Variants in CDK14 observed in about 807,000 individuals in gnomAD.
The protein encoded by CDK14 is cyclin-dependent kinase 14.
CDK14 carries 34 observed loss-of-function variants against 60.7 expected under a neutral mutation model. The ratio of observed to expected loss-of-function variants is 0.56; its 90% CI spans 0.43 to 0.75. The LOEUF (loss-of-function observed/expected upper bound fraction) is 0.75. Among genes scored for constraint, CDK14 ranks in the 30% least tolerant of loss-of-function variants. The pLI is 0.00. For synonymous variants in CDK14, 197 were observed against 203.7 expected (o/e 0.97, Z 0.28); for missense variants, 482 against 564.1 (o/e 0.85, Z 1.47).
At chr7:90,793,425 T>C (rs954617836) in intron 5 of CDK14, among the ~76,000 whole-genome samples, 3 of 152,158 alleles carry the variant, frequency 2.0e-5, no homozygotes, top group Non-Finnish European at 2.9e-5. Context: ...CTTCCATTAG[T>C]GATGGGAGGT....
chr7:90,778,482 G>A (rs1042653314), intron 4 of CDK14, among the ~76,000 whole-genome samples: 3 of 152,180 alleles, frequency 2.0e-5, no homozygotes, highest in Admixed American at 6.5e-5. Context: ...CCCACTGTGT[G>A]CTCCTGCAGG....
At chr7:90,909,329 T>C (rs1792814166) in intron 7 of CDK14, among the ~76,000 whole-genome samples, 2 of 152,136 alleles carry the variant, frequency 1.3e-5, no homozygotes, top group Admixed American at 1.3e-4. Context: ...TAGATAGCTA[T>C]TAAATCCAAC....
chr7:91,080,451 A>G (rs1485332997), intron 12 of CDK14, among the ~76,000 whole-genome samples: 1 of 152,160 alleles, frequency 6.6e-6, no homozygotes, highest in Non-Finnish European at 1.5e-5. Flanking sequence ...TGTACCTCGA[A>G]TAACACATAG....
intron 9 of CDK14, among the ~76,000 whole-genome samples, chr7:90,971,023 C>T (rs752697749): frequency 1.3e-5 from 2 of 152,070 alleles, no homozygotes; most frequent in Non-Finnish European, 2.9e-5. Context: ...TTGCGCTCAT[C>T]AACTCGTCAT....
chr7:90,999,955 G>GA (rs1234421930), intron 10 of CDK14, among the ~76,000 whole-genome samples: 1 of 152,070 alleles, frequency 6.6e-6, no homozygotes, highest in African/African-American at 2.4e-5. Context: ...ATACCAATTT[G>GA]AAAAAAGTAA....
At chr7:91,100,314 C>CT (rs1252870800) in intron 12 of CDK14, among the ~76,000 whole-genome samples, 1 of 152,122 alleles carries the variant, frequency 6.6e-6, no homozygotes, top group African/African-American at 2.4e-5. Context: ...TCACTGAAAA[C>CT]AGTCACTGCC....
At chr7:90,917,866 C>A in intron 8 of CDK14, 142 bp downstream of exon 8, 1 of 739,492 alleles carries the variant, frequency 1.4e-6, no homozygotes, top group Admixed American at 3.0e-5. Context: ...AGGATTTTTT[C>A]TTTTTTTTAA....
chr7:91,173,995 C>A (rs948418278), intron 14 of CDK14, among the ~76,000 whole-genome samples: 2 of 152,196 alleles, frequency 1.3e-5, no homozygotes, highest in Non-Finnish European at 2.9e-5. Flanking sequence ...GGCTCCACCT[C>A]TGGGGGCAGG....
At chr7:90,758,235 T>G (rs1804162156) in intron 4 of CDK14, among the ~76,000 whole-genome samples, 1 of 152,162 alleles carries the variant, frequency 6.6e-6, no homozygotes, top group Non-Finnish European at 1.5e-5. Flanking sequence ...ATTTCTTCTC[T>G]GTCTCTCTCT....
rs117809095 is a variant in CDK14 at position 91,084,987 on chromosome 7, C to T, written c.1154+5507C>T. Among the ~76,000 whole-genome samples the T allele has an allele frequency of 3.4e-4, 52 of 152,304 alleles. No homozygotes were observed. The East Asian group carries it at 9.8e-3, about 29-fold the overall frequency. ...AGGAGGAGATGGAATTAGGCTTTCTCGAAGTCTTCTCCAAACAGATTCTAG... is the reference window on the plus strand; with the variant it reads ...AGGAGGAGATGGAATTAGGCTTTCTTGAAGTCTTCTCCAAACAGATTCTAG... On this transcript the variant is annotated intron_variant, in intron 12 of 14. Transcript: ENST00000380050.
At chr7:91,011,265 T>G (rs1172306746) in intron 10 of CDK14, among the ~76,000 whole-genome samples, 1 of 152,036 alleles carries the variant, frequency 6.6e-6, no homozygotes, top group East Asian at 1.9e-4. Context: ...GTGAGTTACT[T>G]AATAAATAGG....
intron 2 of CDK14, among the ~76,000 whole-genome samples, chr7:90,608,004 A>T (rs1202743031): frequency 6.6e-6 from 1 of 152,190 alleles, no homozygotes; most frequent in African/African-American, 2.4e-5. Flanking sequence ...GGAGAAACAC[A>T]TGGTTAAGCT....
At chr7:90,617,825 A>G (rs528543184) in intron 2 of CDK14, among the ~76,000 whole-genome samples, 2 of 152,156 alleles carry the variant, frequency 1.3e-5, no homozygotes, top group Non-Finnish European at 2.9e-5. Context: ...TTCCTGCTAG[A>G]CATGAGGGCT....
intron 8 of CDK14, among the ~76,000 whole-genome samples, chr7:90,933,427 A>G (rs912220350): frequency 2.0e-5 from 3 of 152,222 alleles, no homozygotes; most frequent in African/African-American, 7.2e-5. Flanking sequence ...GCTCATGTGA[A>G]ACACTAGGGT....
chr7:91,180,364 T>C (rs928086136), intron 14 of CDK14, among the ~76,000 whole-genome samples: 2 of 152,190 alleles, frequency 1.3e-5, no homozygotes, highest in Non-Finnish European at 2.9e-5. Context: ...ATTAAGGTAA[T>C]ATTTAATGAT....
At chr7:90,882,306 A>G (rs184889976) in intron 6 of CDK14, among the ~76,000 whole-genome samples, 1,539 of 151,810 alleles carry the variant, frequency 0.01, 10 homozygotes, top group South Asian at 0.025. Context: ...AGTCTCTGAC[A>G]AAACAGACTT....
At chr7:91,043,281 G>A (rs1797139651) in intron 10 of CDK14, among the ~76,000 whole-genome samples, 1 of 152,208 alleles carries the variant, frequency 6.6e-6, no homozygotes, top group South Asian at 2.1e-4. Flanking sequence ...AGGAGCAAGA[G>A]AACAGGGCTC....
intron 2 of CDK14, among the ~76,000 whole-genome samples, chr7:90,691,533 G>A (rs186979558): frequency 3.3e-5 from 5 of 152,196 alleles, no homozygotes; most frequent in Admixed American, 1.3e-4. Flanking sequence ...TCAGAAACAC[G>A]AGCTACATTG....
chr7:91,085,919 A>G (rs1267852365), intron 12 of CDK14, among the ~76,000 whole-genome samples: 3 of 152,258 alleles, frequency 2.0e-5, no homozygotes, highest in African/African-American at 7.2e-5. Flanking sequence ...TGACAAATGC[A>G]GTAGCCATTA....
Sources: gnomAD v4.1 joint callset for allele counts (sites outside exome capture counted in the v4.1 genomes callset) on GRCh38, gnomAD v4.1.1 for gene constraint, MANE v1.5 for transcripts, NCBI Gene and HGNC (gene_info 2026-07-23, HGNC 2026-07-21) for gene names.